The following C10orf53 variants were observed in gnomAD, a reference collection of about 807,000 sequenced individuals.
The protein encoded by C10orf53 is UPF0728 protein C10orf53.
In C10orf53, 8 loss-of-function variants were observed where a neutral mutation model predicts 9.4. The ratio of observed to expected loss-of-function variants is 0.85; its 90% CI spans 0.50 to 1.53. The LOEUF (loss-of-function observed/expected upper bound fraction) is 1.53, where lower values mean the gene tolerates loss of function less well. C10orf53 is among the 40% of genes most tolerant of loss of function. C10orf53 has a pLI of 0.00. For synonymous variants in C10orf53, 48 were observed against 46.0 expected, an observed-to-expected ratio of 1.04 and a Z score of -0.18; for missense variants, 117 against 117.8, an observed-to-expected ratio of 0.99 and a Z score of 0.03.
intron 1 of C10orf53, among the ~76,000 whole-genome samples, chr10:49,687,124 T>A: frequency 6.6e-6 from 1 of 152,242 alleles, no homozygotes; most frequent in East Asian, 1.9e-4. Context: ...GTTCTGACTG[T>A]TTCTGGGTTT....
rs556281888 is a variant in C10orf53, at chr10:49,680,286, C to G, written c.97+492C>G. Among the ~76,000 whole-genome samples, 4 of 152,346 alleles carry G rather than the reference C, an allele frequency of 2.6e-5. No individual in the cohort carries two copies. The East Asian group carries it at 7.7e-4, about 29-fold the overall frequency. On this transcript the variant is annotated intron_variant, in intron 1 of 2. Transcript: ENST00000374111. ...TGTTAACTGCTAAATGACAGCTGTG[C>G]CTAAGCTCTGACTGAGGCTAGGTGG...
rs1472333467 is a variant in C10orf53 at position 49,708,756 on chromosome 10, A to C, written c.*139A>C. The C allele has an allele frequency of 4.6e-6, 6 of 1,317,824 alleles. No individual in the cohort carries two copies. The Admixed American group carries it at 8.1e-5, about 18-fold the overall frequency. The allele number at this position is 1,317,824 out of a possible 1,614,324, so 81.6% of individuals were successfully genotyped here. ...ACATCTCCCGAACCTCTCCAGCTAG[A>C]TGTCCCACAGGCAACCTGTGGCAAA... On this transcript the variant is annotated 3_prime_UTR_variant, in exon 3 of 3. Transcript: ENST00000374112.
intron 1 of C10orf53, among the ~76,000 whole-genome samples, chr10:49,684,627 T>C (rs927190911): frequency 2.6e-5 from 4 of 152,230 alleles, no homozygotes; most frequent in Non-Finnish European, 5.9e-5. Flanking sequence ...ATAAATGGAA[T>C]TGTTTTCTTT....
intron 2 of C10orf53, among the ~76,000 whole-genome samples, chr10:49,703,662 T>G (rs1364680326): frequency 6.6e-6 from 1 of 152,294 alleles, no homozygotes; most frequent in Middle Eastern, 3.4e-3. Context: ...ATAAACTGAG[T>G]GCTTTAGATC....
At chr10:49,688,989 G>A (rs1272712929) in intron 1 of C10orf53, among the ~76,000 whole-genome samples, 2 of 152,152 alleles carry the variant, frequency 1.3e-5, no homozygotes, top group Non-Finnish European at 2.9e-5. Flanking sequence ...CCCACTTGGA[G>A]GCATGCTTTG....
rs145052323 is a variant in C10orf53, at chr10:49,683,648, G to A, written c.97+3854G>A. On this transcript the variant is annotated intron_variant, in intron 1 of 2. Transcript: ENST00000374111. The stretch of plus-strand genomic sequence containing the variant: ...CCTGCACTTTGGGAGGCTGAGGCAG[G>A]TGGATCACTTGAACCCAGGAGTTCA... 7.0e-3 allele frequency among the ~76,000 whole-genome samples: 1,068 copies of A among 152,254 alleles called. 9 individuals carry two copies. Among genetic ancestry groups the A allele is most frequent in the Non-Finnish European group, 0.012 (808 of 68,026 alleles).
At chr10:49,704,533 G>A (rs950386947) in intron 2 of C10orf53, among the ~76,000 whole-genome samples, 3 of 152,128 alleles carry the variant, frequency 2.0e-5, no homozygotes, top group African/African-American at 7.2e-5. Context: ...TTGAGGTCAG[G>A]AGTTTGAGAC....
downstream of C10orf53, among the ~76,000 whole-genome samples, chr10:49,701,673 A>G (rs927574950): frequency 2.0e-5 from 3 of 152,100 alleles, no homozygotes; most frequent in African/African-American, 7.2e-5. Context: ...CTCAGCCTTC[A>G]GGTCCCTTCT....
Position 49,697,479 on chromosome 10 carries a change from TGTC to T in C10orf53, c.*2878_*2880del, listed in dbSNP as rs1840645920. 6.6e-6 allele frequency among the ~76,000 whole-genome samples: 1 copy of T among 152,258 alleles called. No homozygotes were observed. On this transcript the variant is annotated 3_prime_UTR_variant, in exon 3 of 3. Transcript: ENST00000374111. ...AAATCACATTTTAAGTTTTATAAGA[TGTC>T]AAGTCAATGTCGTTATGATTAACAT...
chr10:49,685,849 T>C (rs1253479275), intron 1 of C10orf53, among the ~76,000 whole-genome samples: 1 of 152,242 alleles, frequency 6.6e-6, no homozygotes, highest in Non-Finnish European at 1.5e-5. Flanking sequence ...TTGAGCTTCT[T>C]GGATAGGTAT....
chr10:49,685,109 C>G (rs1467379574), intron 1 of C10orf53, among the ~76,000 whole-genome samples: 2 of 152,138 alleles, frequency 1.3e-5, no homozygotes, highest in Admixed American at 1.3e-4. Context: ...CTCTCTTTCT[C>G]TCTCTCTCTC....
Position 49,687,577 on chromosome 10 carries a change from T to A in C10orf53, c.98-6197T>A, listed in dbSNP as rs565315120. Reference sequence around the variant, plus strand: ...CCTTTATGAGCCTCAGTTTCCTTGTTGGTAACAGAGGAATGTGAATCCCTG... The same window carrying A: ...CCTTTATGAGCCTCAGTTTCCTTGTAGGTAACAGAGGAATGTGAATCCCTG... On this transcript the variant is annotated intron_variant, in intron 1 of 2. Transcript: ENST00000374111. Among the ~76,000 whole-genome samples the A allele has an allele frequency of 2.2e-3, 332 of 152,362 alleles. 2 individuals are homozygous for A. Among genetic ancestry groups the A allele is most frequent in the African/African-American group, 7.5e-3 (312 of 41,578 alleles).
intron 2 of C10orf53, among the ~76,000 whole-genome samples, chr10:49,706,413 G>T (rs1840722773): frequency 6.6e-6 from 1 of 152,210 alleles, no homozygotes; most frequent in Admixed American, 6.5e-5. Context: ...AAAAAGGAAT[G>T]AAGTTCTGAT....
Position 49,694,770 on chromosome 10 carries a change from GGCT to G in C10orf53, c.*171_*173del. The G allele has an allele frequency of 4.9e-6, 7 of 1,419,536 alleles. No individual in the cohort carries two copies. The highest frequency in any genetic ancestry group is 6.4e-6 in the Non-Finnish European group (7 of 1,089,372). 87.9% of individuals were successfully genotyped at this position (1,419,536 alleles called of 1,614,324 possible). A position where few individuals can be genotyped will look rare whatever the true frequency, so the allele number is the denominator to read the frequency against. On this transcript the variant is annotated 3_prime_UTR_variant, in exon 3 of 3. Transcript: ENST00000374111. ...TTACGCAGCCTCAGGATTGTCACCT[GGCT>G]GCACAGGAGCCCACAGAAATAATAA...
rs1168442409 is a variant in C10orf53, at chr10:49,696,337, C to G, written c.*1735C>G. On this transcript the variant is annotated 3_prime_UTR_variant, in exon 3 of 3. Transcript: ENST00000374111. Reference sequence around the variant, plus strand: ...GTGATTTCTACTTTCATGGCCAAAACTTTTTCAATGCTGAGAACTGAAATT... The same window carrying G: ...GTGATTTCTACTTTCATGGCCAAAAGTTTTTCAATGCTGAGAACTGAAATT... 6.6e-6 allele frequency among the ~76,000 whole-genome samples: 1 copy of G among 152,136 alleles called. No individual in the cohort carries two copies. The highest frequency in any genetic ancestry group is 2.4e-5 in the African/African-American group (1 of 41,436).
chr10:49,689,651 C>T (rs1840563094), intron 1 of C10orf53, among the ~76,000 whole-genome samples: 1 of 152,082 alleles, frequency 6.6e-6, no homozygotes, highest in Non-Finnish European at 1.5e-5. Flanking sequence ...GTAGTGCGTA[C>T]ATCATGTAAA....
At chr10:49,704,964 ATT>A (rs1840712745) in intron 2 of C10orf53, among the ~76,000 whole-genome samples, 4 of 152,228 alleles carry the variant, frequency 2.6e-5, no homozygotes, top group Admixed American at 2.6e-4. Context: ...TATTCAAAAA[ATT>A]TATGTGCATA....
At chr10:49,680,309 T>G (rs1840467122) in intron 1 of C10orf53, among the ~76,000 whole-genome samples, 1 of 152,090 alleles carries the variant, frequency 6.6e-6, no homozygotes, top group Non-Finnish European at 1.5e-5. Flanking sequence ...TGAGGCTAGG[T>G]GGTGCCATGG....
At chr10:49,699,976 T>C (rs1840668972), downstream of C10orf53, among the ~76,000 whole-genome samples, 1 of 152,078 alleles carries the variant, frequency 6.6e-6, no homozygotes, top group East Asian at 1.9e-4. Context: ...CACAGGTCTT[T>C]GTGAGCGTGC....
Sources: gnomAD v4.1 joint callset for allele counts (sites outside exome capture counted in the v4.1 genomes callset) on GRCh38, gnomAD v4.1.1 for gene constraint, MANE v1.5 for transcripts, NCBI Gene and HGNC (gene_info 2026-07-23, HGNC 2026-07-21) for gene names.